The following GPC6 variants were observed in gnomAD, a reference collection of about 807,000 sequenced individuals.
GPC6 encodes glypican-6.
GPC6 carries 14 observed loss-of-function variants against 55.2 expected under a neutral mutation model. The ratio of observed to expected loss-of-function variants is 0.25; its 90% CI spans 0.17 to 0.40. The LOEUF is 0.40. GPC6 is among the 10% of genes least tolerant of loss of function. GPC6 has a pLI of 1.00. For synonymous variants in GPC6, 278 were observed against 259.6 expected (o/e 1.07, Z -0.68); for missense variants, 641 against 708.5 (o/e 0.90, Z 1.08).
chr13:94,346,018 C>T (rs1379327242), intron 6 of GPC6, among the ~76,000 whole-genome samples: 1 of 152,070 alleles, frequency 6.6e-6, no homozygotes, highest in Non-Finnish European at 1.5e-5. Flanking sequence ...CTGGAAAATC[C>T]TTGGCTTGCA....
At chr13:94,204,482 T>C (rs1015326634) in intron 4 of GPC6, among the ~76,000 whole-genome samples, 1 of 152,292 alleles carries the variant, frequency 6.6e-6, no homozygotes, top group African/African-American at 2.4e-5. Context: ...ACTTAATCCA[T>C]TTTGAAGTGG....
At chr13:94,063,465 A>AT (rs1373294058) in intron 4 of GPC6, among the ~76,000 whole-genome samples, 3 of 152,102 alleles carry the variant, frequency 2.0e-5, no homozygotes, top group Non-Finnish European at 4.4e-5. Context: ...TAACATAGGA[A>AT]TTTTTTTTAA....
Position 94,320,338 on chromosome 13 carries a change from T to C in GPC6, c.1152+14215T>C, listed in dbSNP as rs1876751516. Among the ~76,000 whole-genome samples the C allele has an allele frequency of 2.0e-5, 3 of 152,228 alleles. No homozygotes were observed. In the South Asian group the frequency reaches 6.2e-4, roughly 32 times the overall value. ...GTTATTTTTTACTTTGTGTCTGATATTCTAATATCTGAAGAGTTTGCTGGT... is the reference window on the plus strand; with the variant it reads ...GTTATTTTTTACTTTGTGTCTGATACTCTAATATCTGAAGAGTTTGCTGGT... On this transcript the variant is annotated intron_variant, in intron 6 of 8. Coordinates refer to ENST00000377047, the MANE Select transcript of GPC6 (RefSeq NM_005708.5).
intron 6 of GPC6, among the ~76,000 whole-genome samples, chr13:94,376,695 A>G (rs1343664755): frequency 1.3e-5 from 2 of 152,188 alleles, no homozygotes; most frequent in Non-Finnish European, 1.5e-5. Flanking sequence ...ATTGGAAAAA[A>G]CTACTTTAAA....
chr13:94,227,528 G>A (rs1179805047), intron 4 of GPC6, among the ~76,000 whole-genome samples: 2 of 152,184 alleles, frequency 1.3e-5, no homozygotes, highest in African/African-American at 4.8e-5. Flanking sequence ...AGGCCAGTGG[G>A]GGAGTAAGCT....
At chr13:94,088,574 AGGGAG>A (rs1885369429) in intron 4 of GPC6, among the ~76,000 whole-genome samples, 7 of 6,378 alleles carry the variant, frequency 1.1e-3, no homozygotes, top group Non-Finnish European at 7.0e-4. Flanking sequence ...GGGGAGGGGA[AGGGAG>A]GGGAGGGGAG....
chr13:94,045,813 A>T (rs2138745983), intron 4 of GPC6, among the ~76,000 whole-genome samples: 1 of 152,012 alleles, frequency 6.6e-6, no homozygotes, highest in Admixed American at 6.6e-5. Context: ...CATCTACTCA[A>T]GCAAAACCTT....
intron 1 of GPC6, among the ~76,000 whole-genome samples, chr13:93,285,626 G>GTGTGTGTGTGTGTGTGTGTA (rs1555287665): frequency 2.5e-4 from 35 of 137,572 alleles, no homozygotes; most frequent in African/African-American, 9.2e-4. Context: ...CTGTGTGTGT[G>GTGTGTGTGTGTGTGTGTGTA]TGTGTGTGTG....
intron 1 of GPC6, among the ~76,000 whole-genome samples, chr13:93,280,315 T>C (rs1877907165): frequency 6.6e-6 from 1 of 152,196 alleles, no homozygotes. Flanking sequence ...TGTATACATA[T>C]GGTAATCTCC....
chr13:94,184,472 G>T (rs976254126), intron 4 of GPC6, among the ~76,000 whole-genome samples: 4 of 151,950 alleles, frequency 2.6e-5, no homozygotes, highest in African/African-American at 4.8e-5. Context: ...TTAAAAAAAT[G>T]GACAAAGGAC....
rs1014033846 is a variant in GPC6, at chr13:93,768,085, T to C, written c.320-62069T>C. 1.0e-3 allele frequency among the ~76,000 whole-genome samples: 155 copies of C among 152,298 alleles called. 1 individual carries two copies. The highest frequency in any genetic ancestry group is 3.7e-3 in the African/African-American group (154 of 41,578). On this transcript the variant is annotated intron_variant, in intron 2 of 8. Coordinates refer to ENST00000377047, the MANE Select transcript of GPC6 (RefSeq NM_005708.5). ...ATACACTTTGATCTAGGTGGAATTTTATTATTGTAATTTAACTCATGTGGC... is the reference window on the plus strand; with the variant it reads ...ATACACTTTGATCTAGGTGGAATTTCATTATTGTAATTTAACTCATGTGGC...
intron 1 of GPC6, among the ~76,000 whole-genome samples, chr13:93,375,089 T>C (rs1874830791): frequency 6.6e-6 from 1 of 152,222 alleles, no homozygotes; most frequent in Non-Finnish European, 1.5e-5. Context: ...CATGTTATCC[T>C]GGCCTTCGTA....
rs145509630 is a variant in GPC6 at position 93,279,435 on chromosome 13, G to A, written c.160+51819G>A. Among the ~76,000 whole-genome samples, 29 of 152,316 alleles carry A rather than the reference G, an allele frequency of 1.9e-4. 3 individuals carry two copies. In the East Asian group the frequency reaches 5.4e-3, roughly 28 times the overall value. On this transcript the variant is annotated intron_variant, in intron 1 of 8. Coordinates refer to ENST00000377047, the MANE Select transcript of GPC6 (RefSeq NM_005708.5). ...ACCTCTTAGGGATTCAGTGCCATTT[G>A]CATATGAAAGATTTGTTCAGATTCT...
At chr13:93,356,966 G>T (rs1880868981) in intron 1 of GPC6, among the ~76,000 whole-genome samples, 1 of 152,192 alleles carries the variant, frequency 6.6e-6, no homozygotes, top group African/African-American at 2.4e-5. Flanking sequence ...AGAATTTAAT[G>T]AATCCTCTAT....
intron 2 of GPC6, among the ~76,000 whole-genome samples, chr13:93,784,427 T>C (rs1405927549): frequency 6.6e-6 from 1 of 152,132 alleles, no homozygotes; most frequent in Non-Finnish European, 1.5e-5. Context: ...GAAATTTCTG[T>C]TTATGTAATG....
chr13:93,480,841 C>T (rs117963516), intron 1 of GPC6, among the ~76,000 whole-genome samples: 121 of 152,248 alleles, frequency 7.9e-4, no homozygotes, highest in Non-Finnish European at 1.5e-3. Context: ...TTTATCTGTT[C>T]ATCATTTGAT....
At chr13:94,395,822 G>T (rs1185087961) in intron 7 of GPC6, among the ~76,000 whole-genome samples, 2 of 152,234 alleles carry the variant, frequency 1.3e-5, no homozygotes, top group Non-Finnish European at 2.9e-5. Context: ...GGCCTGTAGA[G>T]GGCCAGAGCT....
chr13:93,928,832 G>C (rs796963525), intron 3 of GPC6, among the ~76,000 whole-genome samples: 28 of 147,974 alleles, frequency 1.9e-4, no homozygotes, highest in African/African-American at 6.8e-4. Context: ...CCGAGAGAGG[G>C]CTTTCTGTTT....
At chr13:93,949,477 A>G (rs1245712687) in intron 3 of GPC6, among the ~76,000 whole-genome samples, 5 of 152,216 alleles carry the variant, frequency 3.3e-5, no homozygotes, top group Admixed American at 3.3e-4. Flanking sequence ...GAGATTTTCA[A>G]GGATCCCCAA....
Sources: allele counts gnomAD v4.1 joint callset (sites outside exome capture counted in the v4.1 genomes callset), GRCh38; gene constraint gnomAD v4.1.1; transcripts MANE v1.5; gene names NCBI Gene and HGNC (gene_info 2026-07-23, HGNC 2026-07-21).